The following GRM5 variants were observed in gnomAD, a reference collection of about 807,000 sequenced individuals.
GRM5 encodes glutamate metabotropic receptor 5, also known as metabotropic glutamate receptor 5.
In GRM5, 19 loss-of-function variants were observed where a neutral mutation model predicts 83.1. The observed-to-expected ratio is 0.23, with a 90% CI of 0.16 to 0.34. The LOEUF is 0.34. GRM5 is among the 10% of genes least tolerant of loss of function. The pLI, the probability that GRM5 is intolerant of heterozygous loss-of-function variation, is 1.00. For missense variants in GRM5, 1,160 were observed against 1,588.3 expected (o/e 0.73, Z 4.58); for synonymous variants, 675 against 633.6 (o/e 1.07, Z -0.98).
chr11:88,558,233 TCC>T lies in GRM5; in HGVS notation c.2630+8818_2630+8819del, dbSNP rs535142361. Among the ~76,000 whole-genome samples, 35 of 152,258 alleles carry T rather than the reference TCC, an allele frequency of 2.3e-4. No individual in the cohort carries two copies. The South Asian group carries it at 7.0e-3, about 31-fold the overall frequency. ...ATTTCACTTCAGATTAGGCACTCTC[TCC>T]AAAGAAAAGTAACTATATCAGGGTT... On this transcript the variant is annotated intron_variant, in intron 8 of 9. Transcript: ENST00000305447.
chr11:88,687,579 A>ATATATAATATATATATATTATAT (rs1250226972), intron 3 of GRM5, among the ~76,000 whole-genome samples: 1 of 46,878 alleles, frequency 2.1e-5, no homozygotes, highest in African/African-American at 2.0e-4. Flanking sequence ...ATATATATAT[A>ATATATAATATATATATATTATAT]ATATATATAT....
intron 3 of GRM5, among the ~76,000 whole-genome samples, chr11:88,849,022 T>C (rs1944345686): frequency 6.6e-6 from 1 of 152,174 alleles, no homozygotes; most frequent in Non-Finnish European, 1.5e-5. Flanking sequence ...ACTTTCAGAC[T>C]GCAAATTAAT....
intron 8 of GRM5, among the ~76,000 whole-genome samples, chr11:88,552,066 C>G (rs1198023525): frequency 6.7e-6 from 1 of 149,738 alleles, no homozygotes; most frequent in Non-Finnish European, 1.5e-5. Flanking sequence ...TCTTTGTTGC[C>G]CAGGCTGGAG....
chr11:88,664,771 G>A (rs1181550239), intron 3 of GRM5, among the ~76,000 whole-genome samples: 1 of 151,864 alleles, frequency 6.6e-6, no homozygotes, highest in Admixed American at 6.6e-5. Flanking sequence ...CATTGTATTA[G>A]GTATTATAAG....
At chr11:88,962,888 A>G (rs997047178) in intron 2 of GRM5, among the ~76,000 whole-genome samples, 3 of 152,200 alleles carry the variant, frequency 2.0e-5, no homozygotes, top group Admixed American at 6.5e-5. Flanking sequence ...CAAGAGATAG[A>G]CACCATCCTG....
chr11:88,683,812 G>T (rs1024475576), intron 3 of GRM5, among the ~76,000 whole-genome samples: 2 of 152,134 alleles, frequency 1.3e-5, no homozygotes, highest in African/African-American at 2.4e-5. Flanking sequence ...GATAAGAAGG[G>T]TGTTTACTTT....
intron 8 of GRM5, among the ~76,000 whole-genome samples, chr11:88,554,070 C>T (rs574879284): frequency 3.5e-4 from 53 of 152,246 alleles, no homozygotes; most frequent in Admixed American, 5.9e-4. Context: ...TAATATCTTA[C>T]AGTTCTGGAG....
intron 1 of GRM5, among the ~76,000 whole-genome samples, chr11:89,060,009 A>G (rs1314490565): frequency 6.6e-6 from 1 of 152,146 alleles, no homozygotes; most frequent in African/African-American, 2.4e-5. Flanking sequence ...AGGTCACACA[A>G]GTAGTAAGCC....
Position 88,962,225 on chromosome 11 carries a change from T to C in GRM5, c.661+84987A>G, listed in dbSNP as rs544164362. Among the ~76,000 whole-genome samples, 53 of 152,312 alleles carry C rather than the reference T, an allele frequency of 3.5e-4. 1 individual carries two copies. The highest frequency in any genetic ancestry group is 1.3e-3 in the African/African-American group (52 of 41,568). On this transcript the variant is annotated intron_variant, in intron 2 of 9. Transcript: ENST00000305447. ...TTCGCCATGCACTCACCAATACACTTATGCATCAGTTTATCCATCAGTTTA... is the reference window on the plus strand; with the variant it reads ...TTCGCCATGCACTCACCAATACACTCATGCATCAGTTTATCCATCAGTTTA...
chr11:88,541,426 A>G (rs1942263879), intron 8 of GRM5, among the ~76,000 whole-genome samples: 2 of 152,206 alleles, frequency 1.3e-5, no homozygotes, highest in African/African-American at 4.8e-5. Flanking sequence ...GTATATAAGC[A>G]TATATAAATA....
intron 2 of GRM5, among the ~76,000 whole-genome samples, chr11:88,957,176 A>G (rs1938644088): frequency 6.6e-6 from 1 of 152,218 alleles, no homozygotes; most frequent in African/African-American, 2.4e-5. Context: ...ATGAGTAGGA[A>G]TTTTCCAGGT....
rs565688058 is a variant in GRM5, at chr11:89,005,667, T to C, written c.661+41545A>G. On this transcript the variant is annotated intron_variant, in intron 2 of 9. Transcript: ENST00000305447. Reference sequence around the variant, plus strand: ...ATTAAATATGGCAAATTAGTAAGTATTTATATCTGTGCCTGGCATTTAGGA... The same window carrying C: ...ATTAAATATGGCAAATTAGTAAGTACTTATATCTGTGCCTGGCATTTAGGA... Among the ~76,000 whole-genome samples, 5 of 152,314 alleles carry C rather than the reference T, an allele frequency of 3.3e-5. No individual in the cohort carries two copies. In the South Asian group the frequency reaches 1.0e-3, roughly 32 times the overall value.
At chr11:88,768,986 A>G (rs1046370347) in intron 3 of GRM5, among the ~76,000 whole-genome samples, 25 of 152,062 alleles carry the variant, frequency 1.6e-4, no homozygotes, top group African/African-American at 6.0e-4. Flanking sequence ...AGCCTCACCA[A>G]GGAGTTGCTG....
chr11:88,786,568 A>C (rs1475156332), intron 3 of GRM5, among the ~76,000 whole-genome samples: 2 of 151,996 alleles, frequency 1.3e-5, no homozygotes, highest in Non-Finnish European at 2.9e-5. Context: ...TCTACTTCTG[A>C]GCTTTTGTTC....
intron 3 of GRM5, among the ~76,000 whole-genome samples, chr11:88,811,623 A>G (rs890685167): frequency 1.3e-5 from 2 of 152,176 alleles, no homozygotes; most frequent in South Asian, 2.1e-4. Flanking sequence ...TGAATTCTCA[A>G]AATTAGGGAG....
At chr11:88,721,491 AAC>A (rs1941538933) in intron 3 of GRM5, among the ~76,000 whole-genome samples, 1 of 152,110 alleles carries the variant, frequency 6.6e-6, no homozygotes, top group Non-Finnish European at 1.5e-5. Flanking sequence ...TGGTTACAAA[AAC>A]ACAGTCTAAT....
intron 2 of GRM5, among the ~76,000 whole-genome samples, chr11:88,853,627 T>A (rs1422058034): frequency 6.6e-6 from 1 of 151,874 alleles, no homozygotes; most frequent in Admixed American, 6.6e-5. Flanking sequence ...AATAAAAGGA[T>A]GAAAAACTAA....
intron 4 of GRM5, among the ~76,000 whole-genome samples, chr11:88,608,626 C>G (rs1938233642): frequency 1.4e-5 from 2 of 147,052 alleles, no homozygotes; most frequent in Admixed American, 1.4e-4. Flanking sequence ...TCACACTGTT[C>G]TCCTGTCTCA....
intron 3 of GRM5, among the ~76,000 whole-genome samples, chr11:88,822,019 A>G (rs375707313): frequency 1.3e-4 from 20 of 152,208 alleles, no homozygotes; most frequent in African/African-American, 4.1e-4. Flanking sequence ...GTTTTTATAC[A>G]TTATTTTTTG....
Sources: allele counts gnomAD v4.1 joint callset (sites outside exome capture counted in the v4.1 genomes callset), GRCh38; gene constraint gnomAD v4.1.1; transcripts MANE v1.5; gene names NCBI Gene and HGNC (gene_info 2026-07-23, HGNC 2026-07-21).